The following SULF1 variants were observed in gnomAD, a reference collection of about 807,000 sequenced individuals.
SULF1 encodes sulfatase 1.
A neutral mutation model predicts 110.5 loss-of-function variants in SULF1; 46 were observed. The ratio of observed to expected loss-of-function variants is 0.42; its 90% CI spans 0.33 to 0.53. The LOEUF (loss-of-function observed/expected upper bound fraction) is 0.53. Among genes scored for constraint, SULF1 ranks in the 20% least tolerant of loss-of-function variants. The pLI, the probability that SULF1 is intolerant of heterozygous loss-of-function variation, is 0.12. For missense variants in SULF1, 941 were observed against 1,094.2 expected (o/e 0.86, Z 1.98); for synonymous variants, 371 against 387.1 (o/e 0.96, Z 0.49).
At chr8:69,475,398 C>T (rs187277224) in intron 1 of SULF1, among the ~76,000 whole-genome samples, 4 of 144,980 alleles carry the variant, frequency 2.8e-5, no homozygotes, top group East Asian at 2.0e-4. Context: ...CAATTGATCC[C>T]CAGAGTTCAA....
intron 1 of SULF1, among the ~76,000 whole-genome samples, chr8:69,481,982 A>T (rs936709953): frequency 3.3e-5 from 5 of 152,200 alleles, no homozygotes; most frequent in African/African-American, 1.2e-4. Context: ...AACTCTTAAC[A>T]GCTGTATTCT....
At chr8:69,564,332 G>A (rs1393333035) in intron 5 of SULF1, among the ~76,000 whole-genome samples, 185 bp downstream of exon 5, 9 of 152,158 alleles carry the variant, frequency 5.9e-5, no homozygotes, top group Admixed American at 5.9e-4. Flanking sequence ...TTACTTTTCT[G>A]ATGTTATGCT....
intron 14 of SULF1, among the ~76,000 whole-genome samples, chr8:69,621,780 G>T (rs185780811): frequency 6.6e-6 from 1 of 152,290 alleles, no homozygotes; most frequent in East Asian, 1.9e-4. Flanking sequence ...GGACAAACTA[G>T]TTGCATTCAG....
chr8:69,491,912 TG>T (rs1346388016), upstream of SULF1, among the ~76,000 whole-genome samples: 1 of 151,862 alleles, frequency 6.6e-6, no homozygotes, highest in African/African-American at 2.4e-5. Flanking sequence ...GGAAGGCTTT[TG>T]TGGGGGAGGC....
chr8:69,605,504 A>T (rs1808163124), intron 13 of SULF1, among the ~76,000 whole-genome samples: 1 of 152,222 alleles, frequency 6.6e-6, no homozygotes, highest in African/African-American at 2.4e-5. Flanking sequence ...CGTTAGTAGA[A>T]ATATTACTAT....
chr8:69,623,681 G>A (rs1036985329), intron 14 of SULF1, among the ~76,000 whole-genome samples: 28 of 152,138 alleles, frequency 1.8e-4, no homozygotes, highest in African/African-American at 5.8e-4. Flanking sequence ...CTCACTTGAC[G>A]GATGAAGGGC....
At chr8:69,487,982 G>T (rs1809773316), upstream of SULF1, among the ~76,000 whole-genome samples, 3 of 152,148 alleles carry the variant, frequency 2.0e-5, no homozygotes, top group South Asian at 6.2e-4. Flanking sequence ...ATAAAGAGAA[G>T]ATTAGATCGT....
intron 13 of SULF1, among the ~76,000 whole-genome samples, chr8:69,611,857 T>G (rs1475932284): frequency 6.6e-6 from 1 of 152,160 alleles, no homozygotes; most frequent in African/African-American, 2.4e-5. Flanking sequence ...TAATTTTTCT[T>G]TTTATTTCAA....
At chr8:69,576,286 T>C (rs1190586545) in intron 6 of SULF1, 77 bp downstream of exon 6, 8 of 1,502,350 alleles carry the variant, frequency 5.3e-6, no homozygotes, top group Non-Finnish European at 6.3e-6. Flanking sequence ...TGTAATGAAA[T>C]GCATGAAGTT....
intron 10 of SULF1, 94 bp from the exon 11 acceptor site, chr8:69,603,098 G>A: frequency 1.3e-6 from 2 of 1,551,502 alleles, no homozygotes; most frequent in East Asian, 2.3e-5. Flanking sequence ...GAGAAGAGTT[G>A]AAGGCCAATG....
chr8:69,652,924 G>A (rs1019709165), intron 22 of SULF1, among the ~76,000 whole-genome samples: 1 of 152,194 alleles, frequency 6.6e-6, no homozygotes, highest in Non-Finnish European at 1.5e-5. Flanking sequence ...TTTGCAAATC[G>A]TTCTTTGCTC....
intron 3 of SULF1, among the ~76,000 whole-genome samples, chr8:69,510,041 G>T (rs898704856): frequency 8.5e-5 from 13 of 152,094 alleles, no homozygotes; most frequent in Admixed American, 5.9e-4. Flanking sequence ...TAAAAACATT[G>T]ATTTTTTTTC....
At chr8:69,595,971 A>T (rs143943633) in intron 8 of SULF1, among the ~76,000 whole-genome samples, 19 of 152,286 alleles carry the variant, frequency 1.2e-4, no homozygotes, top group African/African-American at 4.6e-4. Context: ...TAGAATTCTT[A>T]TTTCTGTCGT....
chr8:69,567,958 G>A (rs996220216), intron 5 of SULF1, among the ~76,000 whole-genome samples: 2 of 152,148 alleles, frequency 1.3e-5, no homozygotes, highest in African/African-American at 4.8e-5. Context: ...CTCCAACTGA[G>A]CACAAGTGTC....
chr8:69,628,275 A>G lies in SULF1; in HGVS notation c.2108+39A>G, dbSNP rs763030791. On this transcript the variant is annotated intron_variant, in intron 18 of 22. Coordinates refer to ENST00000402687, the MANE Select transcript of SULF1 (RefSeq NM_001128205.2). ...TGTTTTCCACATTTGCTGGGAGTCA[A>G]TGACTGTCCACCTGGCCCTTCGAAG... 22 of 1,564,938 alleles carry G rather than the reference A, an allele frequency of 1.4e-5. No individual in the cohort carries two copies. The African/African-American group carries it at 1.8e-4, about 13-fold the overall frequency.
At chr8:69,599,677 G>A (rs139631444) in intron 8 of SULF1, among the ~76,000 whole-genome samples, 4 of 152,266 alleles carry the variant, frequency 2.6e-5, no homozygotes, top group Admixed American at 2.6e-4. Flanking sequence ...GAAGATTCAA[G>A]TAGATTATAG....
In SULF1 at chr8:69,604,896, G is replaced by A. The variant is rs755338394; in HGVS notation, c.1341G>A (p.Gln447=). ...AACGGGTCAAAGAACTATGCCAGCA[G>A]GCCAGGTACCAGACAGCCTGTGAAC... is the stretch of plus-strand genomic sequence containing the variant. ...KYERVKELCQ[Q]ARYQTACEQP... Residue 447 remains glutamine, a synonymous_variant, in exon 13 of 23, where the codon CAG becomes CAA. Transcript: ENST00000402687. 32 of 1,614,094 alleles carry A rather than the reference G, an allele frequency of 2.0e-5. No individual in the cohort carries two copies. Among genetic ancestry groups the A allele is most frequent in the Non-Finnish European group, 2.7e-5 (32 of 1,180,042 alleles).
intron 22 of SULF1, among the ~76,000 whole-genome samples, chr8:69,643,009 TC>T (rs553622472): frequency 2.9e-3 from 445 of 152,136 alleles, no homozygotes; most frequent in South Asian, 0.011. Context: ...GCTTTTTTTT[TC>T]CCCCTTCTAA....
intron 3 of SULF1, among the ~76,000 whole-genome samples, chr8:69,521,517 C>T (rs532506328): frequency 1.2e-4 from 19 of 152,108 alleles, no homozygotes; most frequent in East Asian, 1.2e-3. Context: ...CAGATCTTGA[C>T]GAAGAATGTT....
Sources: gnomAD v4.1 joint callset for allele counts (sites outside exome capture counted in the v4.1 genomes callset) on GRCh38, gnomAD v4.1.1 for gene constraint, MANE v1.5 for transcripts, NCBI Gene and HGNC (gene_info 2026-07-23, HGNC 2026-07-21) for gene names.